The following PNPLA6 variants were observed in gnomAD, a reference collection of about 807,000 sequenced individuals.
PNPLA6 encodes the protein patatin-like phospholipase domain-containing protein 6.
PNPLA6 carries 105 observed loss-of-function variants against 153.7 expected under a neutral mutation model. The ratio of observed to expected loss-of-function variants is 0.68; its 90% CI spans 0.58 to 0.80. The LOEUF (loss-of-function observed/expected upper bound fraction) is 0.80. Ranked by LOEUF, PNPLA6 falls within the 30% of genes least tolerant of loss-of-function variation. PNPLA6 has a pLI of 0.00. For synonymous variants in PNPLA6, 825 were observed against 822.2 expected, an observed-to-expected ratio of 1.00 and a Z score of -0.06; for missense variants, 1,423 against 1,919.3, an observed-to-expected ratio of 0.74 and a Z score of 4.83.
At chr19:7,560,612 G>T (rs375585067) in intron 28 of PNPLA6, 36 bp from the exon 29 acceptor site, 1 of 1,389,396 alleles carries the variant, frequency 7.2e-7, no homozygotes, top group Non-Finnish European at 1.0e-6. Flanking sequence ...GCAAAGCAGG[G>T]TTGCAGACAT....
chr19:7,550,532 C>T lies in PNPLA6; in HGVS notation c.1962C>T (p.Ser654=), dbSNP rs757870828. Residue 654 remains serine (S), a synonymous_variant, in exon 16 of 32, where the codon TCC becomes TCT. Coordinates refer to ENST00000600737, the MANE Select transcript of PNPLA6 (RefSeq NM_001166114.2). ...GRALYRQGDR[S]DCTYIVLNGR... ...GCCCACTCAGGCAGGGCGACCGCTCCGACTGCACTTACATCGTGCTCAATG... is the reference window on the plus strand; with the variant it reads ...GCCCACTCAGGCAGGGCGACCGCTCTGACTGCACTTACATCGTGCTCAATG... 2.1e-5 allele frequency: 34 copies of T among 1,613,146 alleles called. No homozygotes were observed. In the East Asian group the frequency reaches 7.4e-4, roughly 35 times the overall value.
intron 13 of PNPLA6, among the ~76,000 whole-genome samples, chr19:7,545,274 G>A (rs533141329): frequency 2.0e-5 from 3 of 152,084 alleles, no homozygotes; most frequent in East Asian, 3.9e-4. Flanking sequence ...TGATCCACTC[G>A]CCTCAGCCTC....
At position 7,540,576 on chromosome 19, in the gene PNPLA6, C is replaced by A; in HGVS notation, c.715-54C>A. 7.2e-7 allele frequency: 1 copy of A among 1,383,360 alleles called. No individual in the cohort carries two copies. The highest frequency in any genetic ancestry group is 1.0e-6 in the Non-Finnish European group (1 of 969,404). 85.7% of individuals were successfully genotyped at this position (1,383,360 alleles called of 1,614,324 possible). On this transcript the variant is annotated intron_variant, in intron 5 of 31. Coordinates refer to ENST00000600737, the MANE Select transcript of PNPLA6 (RefSeq NM_001166114.2). The surrounding 1 kb of genome is among the most constrained non-coding windows in gnomAD (Gnocchi z 6.8). ...ATCATTGGGATGGATGAGGGGGCGA[C>A]ATGCCAGTCACCAGGGCGAGGCCAC...
chr19:7,548,801 CTTT>C (rs1159787936), intron 13 of PNPLA6, among the ~76,000 whole-genome samples: 2 of 67,228 alleles, frequency 3.0e-5, no homozygotes, highest in African/African-American at 4.6e-5. Context: ...AAAAATTTTT[CTTT>C]TTTTTTTTTT....
At chr19:7,543,250 C>T (rs1243866666) in intron 13 of PNPLA6, among the ~76,000 whole-genome samples, 166 bp downstream of exon 13, 1 of 152,136 alleles carries the variant, frequency 6.6e-6, no homozygotes, top group Non-Finnish European at 1.5e-5. Flanking sequence ...TCCTGTGACC[C>T]CCACCCCCTA....
chr19:7,535,397 C>A, upstream of PNPLA6: 2 of 823,476 alleles, frequency 2.4e-6, no homozygotes, highest in Non-Finnish European at 4.1e-6. The surrounding 1 kb of genome is among the most constrained non-coding windows in gnomAD (Gnocchi z 5.0). Flanking sequence ...GGAGACGCTT[C>A]CCCCGCCACC....
At chr19:7,539,027 G>A (rs924875652) in intron 3 of PNPLA6, among the ~76,000 whole-genome samples, 2 of 152,182 alleles carry the variant, frequency 1.3e-5, no homozygotes, top group East Asian at 1.9e-4. Context: ...TGGGGTCATA[G>A]GGTTTTTCCA....
chr19:7,541,854 G>A lies in PNPLA6; in HGVS notation c.1169-130G>A. On this transcript the variant is annotated intron_variant, in intron 9 of 31. Coordinates refer to ENST00000600737, the MANE Select transcript of PNPLA6 (RefSeq NM_001166114.2). The surrounding 1 kb of genome is among the most constrained non-coding windows in gnomAD (Gnocchi z 5.2). ...CCTATCTGGTACCGAGGAAGCTGTG[G>A]CCTCGTCCCCAAGGGCCCATTGGAA... 2 of 1,097,428 alleles carry A rather than the reference G, an allele frequency of 1.8e-6. No homozygotes were observed. Among genetic ancestry groups the A allele is most frequent in the Non-Finnish European group, 2.7e-6 (2 of 736,890 alleles). The allele number at this position is 1,097,428 out of a possible 1,614,324, so 68.0% of individuals were successfully genotyped here.
At chr19:7,536,607 C>T in intron 3 of PNPLA6, 61 bp downstream of exon 3, 2 of 1,057,846 alleles carry the variant, frequency 1.9e-6, no homozygotes, top group Middle Eastern at 4.0e-4. Context: ...TTTGAGTAAT[C>T]AGCTTACACC....
chr19:7,535,627 G>A (rs767677119), upstream of PNPLA6: 19 of 1,582,342 alleles, frequency 1.2e-5, no homozygotes, highest in African/African-American at 4.0e-5. This position sits in a 1 kb window ranked among gnomAD's most constrained non-coding sequence, Gnocchi z 5.0. Flanking sequence ...GGCGCCAAGA[G>A]GACTACAACT....
chr19:7,553,528 G>A (rs1481638808), intron 18 of PNPLA6, among the ~76,000 whole-genome samples: 1 of 152,220 alleles, frequency 6.6e-6, no homozygotes, highest in Non-Finnish European at 1.5e-5. Context: ...GAGGAACCAA[G>A]GCCAGAATGA....
At position 7,557,177 on chromosome 19, in the gene PNPLA6, G is replaced by T; in HGVS notation, c.3290G>T (p.Trp1097Leu). The T allele has an allele frequency of 6.2e-7, 1 of 1,611,458 alleles. No individual in the cohort carries two copies. The highest frequency in any genetic ancestry group is 8.5e-7 in the Non-Finnish European group (1 of 1,178,672). ...GTGTCCCACCGCGCAGGCTCCCTGT[G>T]GCGGTACGTGCGCGCCAGCATGACG... is the stretch of plus-strand genomic sequence containing the variant. ...AMRVHKDGSL[W>L]RYVRASMTLS... Residue 1097 changes from tryptophan to leucine, a missense_variant, in exon 27 of 32, where the codon TGG (tryptophan) becomes TTG (leucine). By Grantham distance (61) the Trp-to-Leu change is moderately conservative. Transcript: ENST00000600737.
rs947342898 is a variant in PNPLA6 at position 7,535,861 on chromosome 19, G to A, written c.73G>A (p.Asp25Asn). ...GGTGGCGGAGAGGGATGGGTTCCAGGACGTCCTGGCGCCCGGGGAAGGCTC... is the reference window on the plus strand; with the variant it reads ...GGTGGCGGAGAGGGATGGGTTCCAGAACGTCCTGGCGCCCGGGGAAGGCTC... Reference protein sequence around the residue: ...AKVAERDGFQDVLAPGEGSAG... With the variant: ...AKVAERDGFQNVLAPGEGSAG... The change falls in exon 1 of 32, where the codon GAC (aspartate) becomes AAC (asparagine). Residue 25 changes from aspartate (D) to asparagine (N), a missense_variant. By Grantham distance (23) the Asp-to-Asn change is conservative. Transcript: ENST00000600737. This position sits in a 1 kb window ranked among gnomAD's most constrained non-coding sequence, Gnocchi z 5.0. 6.5e-7 allele frequency: 1 copy of A among 1,539,508 alleles called. No homozygotes were observed. Among genetic ancestry groups the A allele is most frequent in the Non-Finnish European group, 8.7e-7 (1 of 1,147,952 alleles).
In PNPLA6 at chr19:7,560,992, C is replaced by G. The variant is rs182079008; in HGVS notation, c.3817-22C>G. ...AGACTCTGTGGGCCCCCCCTAAGAG[C>G]CTCACCAGTGTCACCCCACAGGTGC... is the stretch of plus-strand genomic sequence containing the variant. On this transcript the variant is annotated intron_variant, in intron 29 of 31. Transcript: ENST00000600737. 107 of 1,547,422 alleles carry G rather than the reference C, an allele frequency of 6.9e-5. No homozygotes were observed. In the African/African-American group the frequency reaches 1.4e-3, roughly 20 times the overall value.
chr19:7,559,183 T>C lies in PNPLA6; in HGVS notation c.3699+32T>C, dbSNP rs776673126. On this transcript the variant is annotated intron_variant, in intron 28 of 31. Transcript: ENST00000600737. ...GGGCAGGAGTGGCATGGTGCCTGCA[T>C]AGGTGGTCCGGCTAAGCTTTGCTAC... The C allele has an allele frequency of 1.9e-6, 3 of 1,594,314 alleles. No individual in the cohort carries two copies. The African/African-American group carries it at 4.0e-5, about 21-fold the overall frequency.
intron 13 of PNPLA6, among the ~76,000 whole-genome samples, chr19:7,548,716 T>C (rs145621499): frequency 7.2e-5 from 1 of 13,920 alleles, no homozygotes; most frequent in Non-Finnish European, 1.8e-4. Flanking sequence ...TATATATATA[T>C]ATACACACAC....
intron 27 of PNPLA6, chr19:7,557,500 C>T (rs2023934555): frequency 4.9e-6 from 3 of 611,504 alleles, no homozygotes; most frequent in Non-Finnish European, 9.1e-6. Context: ...GATCTACATT[C>T]TGGCCAGGCG....
At chr19:7,535,499 G>T (rs2022809397), upstream of PNPLA6, 1 of 1,568,976 alleles carries the variant, frequency 6.4e-7, no homozygotes, top group Non-Finnish European at 8.7e-7. This position sits in a 1 kb window ranked among gnomAD's most constrained non-coding sequence, Gnocchi z 5.0. Flanking sequence ...TCGACTCCTT[G>T]ATTTCCCAGG....
Position 7,550,126 on chromosome 19 carries a change from A to C in PNPLA6, c.1814+14A>C. The C allele has an allele frequency of 6.2e-7, 1 of 1,613,794 alleles. No homozygotes were observed. Among genetic ancestry groups the C allele is most frequent in the East Asian group, 2.2e-5 (1 of 44,882 alleles). ...CGACTTCTATGAGTATGACAGCCCG[A>C]AGTTGGAGTGTGGGTGGCACTCGGA... On this transcript the variant is annotated intron_variant, in intron 14 of 31. Coordinates refer to ENST00000600737, the MANE Select transcript of PNPLA6 (RefSeq NM_001166114.2).
Sources: gnomAD v4.1 joint callset for allele counts (sites outside exome capture counted in the v4.1 genomes callset) on GRCh38, gnomAD v4.1.1 for gene constraint, Gnocchi (gnomAD v3.1) non-coding constraint, MANE v1.5 for transcripts, NCBI Gene and HGNC (gene_info 2026-07-23, HGNC 2026-07-21) for gene names.